Variants in ANKRD11 observed in about 807,000 individuals in gnomAD.
ANKRD11 encodes the protein ankyrin repeat domain 11.
A neutral mutation model predicts 195.7 loss-of-function variants in ANKRD11; 17 were observed. That is an observed-to-expected ratio of 0.09 (90% CI 0.06 to 0.13). The LOEUF is 0.13. Ranked by LOEUF, ANKRD11 falls within the 10% of genes least tolerant of loss-of-function variation. ANKRD11 has a pLI of 1.00. For synonymous variants in ANKRD11, 1,953 were observed against 1,528.1 expected (o/e 1.28, Z -6.49); for missense variants, 3,735 against 3,566.1 (o/e 1.05, Z -1.21).
At chr16:89,391,505 TCA>T (rs1340469834) in intron 2 of ANKRD11, among the ~76,000 whole-genome samples, 2 of 152,174 alleles carry the variant, frequency 1.3e-5, no homozygotes, top group Admixed American at 6.5e-5. Context: ...ACACAACTGG[TCA>T]CAGACGTCTT....
intron 2 of ANKRD11, among the ~76,000 whole-genome samples, chr16:89,339,479 G>C (rs996302537): frequency 6.9e-6 from 1 of 144,184 alleles, no homozygotes; most frequent in Non-Finnish European, 1.6e-5. Flanking sequence ...CTGAGTGCAC[G>C]CAGCGCATGT....
intron 1 of ANKRD11, among the ~76,000 whole-genome samples, chr16:89,429,146 G>A (rs1036034700): frequency 4.8e-5 from 7 of 147,078 alleles, no homozygotes; most frequent in Non-Finnish European, 1.0e-4. Flanking sequence ...CAACTCTCGC[G>A]CTCAGACGTT....
At chr16:89,463,678 TAAA>T (rs2056781390) in intron 1 of ANKRD11, among the ~76,000 whole-genome samples, 15 of 148,616 alleles carry the variant, frequency 1.0e-4, no homozygotes, top group Non-Finnish European at 1.6e-4. Context: ...AAAAAATAAA[TAAA>T]TTAAAAAAAA....
chr16:89,300,845 A>G (rs1359453292), intron 4 of ANKRD11: 3 of 701,616 alleles, frequency 4.3e-6, no homozygotes, highest in African/African-American at 3.5e-5. Context: ...GAAAATCATA[A>G]TTTTTCCCCT....
intron 2 of ANKRD11, among the ~76,000 whole-genome samples, chr16:89,356,075 G>C (rs2039460325): frequency 6.6e-6 from 1 of 152,146 alleles, no homozygotes; most frequent in Non-Finnish European, 1.5e-5. Context: ...AGTGAGACTT[G>C]TCTCAAAACA....
At chr16:89,365,195 C>A (rs3096309) in intron 2 of ANKRD11, among the ~76,000 whole-genome samples, 13 of 152,276 alleles carry the variant, frequency 8.5e-5, no homozygotes, top group Middle Eastern at 3.4e-3. Context: ...TGATGACTAT[C>A]TTGTTGGCTG....
At chr16:89,464,607 TAAAAAAAAA>T (rs377695519) in intron 1 of ANKRD11, among the ~76,000 whole-genome samples, 1 of 116,416 alleles carries the variant, frequency 8.6e-6, no homozygotes, top group Non-Finnish European at 1.7e-5. Context: ...GACTCCATCT[TAAAAAAAAA>T]AAAAAAAGAA....
At chr16:89,458,109 A>C (rs1047497312) in intron 1 of ANKRD11, among the ~76,000 whole-genome samples, 1 of 152,194 alleles carries the variant, frequency 6.6e-6, no homozygotes, top group Admixed American at 6.5e-5. Context: ...AAAAAGAAAA[A>C]AAAAAGCTTT....
chr16:89,434,195 T>TAC lies in ANKRD11; in HGVS notation c.-144-15829_-144-15828dup, dbSNP rs567559778. Among the ~76,000 whole-genome samples the TAC allele has an allele frequency of 8.0e-4, 122 of 152,196 alleles. 1 individual carries two copies. In the East Asian group the frequency reaches 0.02, roughly 25 times the overall value. On this transcript the variant is annotated intron_variant, in intron 1 of 12. Transcript: ENST00000301030. ...GATGCCACTCACCCATGGTGCACCC[T>TAC]ACACACACTCACCTCCTCAAGACAC... is the stretch of plus-strand genomic sequence containing the variant.
chr16:89,407,660 AACACACATACACACACAC>A (rs1190880959), intron 2 of ANKRD11, among the ~76,000 whole-genome samples: 1 of 151,124 alleles, frequency 6.6e-6, no homozygotes, highest in Non-Finnish European at 1.5e-5. Flanking sequence ...GTCTCTATCA[AACACACATACACACACAC>A]ACACACATAG....
chr16:89,461,564 C>A (rs1251137290), intron 1 of ANKRD11, among the ~76,000 whole-genome samples: 1 of 152,082 alleles, frequency 6.6e-6, no homozygotes, highest in Non-Finnish European at 1.5e-5. Context: ...TGGTCTCAAA[C>A]GCCTGTGCTC....
At chr16:89,409,123 T>C (rs1266009828) in intron 2 of ANKRD11, among the ~76,000 whole-genome samples, 4 of 152,100 alleles carry the variant, frequency 2.6e-5, no homozygotes, top group Non-Finnish European at 5.9e-5. Context: ...TGGGGCCAGG[T>C]ATCAGGCCCC....
At chr16:89,327,501 T>C (rs2037798217) in intron 2 of ANKRD11, among the ~76,000 whole-genome samples, 1 of 152,160 alleles carries the variant, frequency 6.6e-6, no homozygotes, top group Admixed American at 6.5e-5. Context: ...TCCAAGAAAC[T>C]TTATTTAATA....
At chr16:89,440,530 T>G (rs750396546) in intron 1 of ANKRD11, among the ~76,000 whole-genome samples, 2 of 151,972 alleles carry the variant, frequency 1.3e-5, no homozygotes, top group Non-Finnish European at 2.9e-5. Flanking sequence ...GTGGGAGAAT[T>G]GCTTGAGACC....
At chr16:89,318,381 G>A (rs79194793) in intron 2 of ANKRD11, among the ~76,000 whole-genome samples, 2,174 of 152,280 alleles carry the variant, frequency 0.014, 61 homozygotes, top group African/African-American at 0.049. Flanking sequence ...TGTCCTCGCC[G>A]CACCGTCAGT....
intron 2 of ANKRD11, among the ~76,000 whole-genome samples, chr16:89,367,579 G>A (rs1460297391): frequency 6.6e-6 from 1 of 152,100 alleles, no homozygotes; most frequent in East Asian, 1.9e-4. Context: ...TTCCTGACCC[G>A]TCCCTCCTCA....
chr16:89,405,965 C>A (rs1056080233), intron 2 of ANKRD11, among the ~76,000 whole-genome samples: 4 of 152,048 alleles, frequency 2.6e-5, no homozygotes, highest in Non-Finnish European at 5.9e-5. Flanking sequence ...CAAAAACTTA[C>A]CGGGCGTGGT....
rs1458091585 is a variant in ANKRD11, at chr16:89,490,340, C to A, written c.-240G>T. 6.8e-6 allele frequency: 1 copy of A among 148,072 alleles called. No individual in the cohort carries two copies. Among genetic ancestry groups the A allele is most frequent in the Non-Finnish European group, 1.5e-5 (1 of 66,574 alleles). 9.2% of individuals were successfully genotyped at this position (148,072 alleles called of 1,614,324 possible). On this transcript the variant is annotated 5_prime_UTR_variant, in exon 1 of 13. Transcript: ENST00000301030. ...GGCCGCGTTTCCCGGGCCGCGCGGC[C>A]CGAGCGGCAAGGCGGCGGCGGCGGC...
intron 1 of ANKRD11, among the ~76,000 whole-genome samples, chr16:89,426,213 C>T (rs890517518): frequency 6.6e-6 from 1 of 151,982 alleles, no homozygotes; most frequent in African/African-American, 2.4e-5. Context: ...ACAAAAAAAA[C>T]AAAGGAAGCT....
Sources: allele counts gnomAD v4.1 joint callset (sites outside exome capture counted in the v4.1 genomes callset), GRCh38; gene constraint gnomAD v4.1.1; transcripts MANE v1.5; gene names NCBI Gene and HGNC (gene_info 2026-07-23, HGNC 2026-07-21).